The following GNAO1 variants were observed in gnomAD, a reference collection of about 807,000 sequenced individuals.
The protein encoded by GNAO1 is guanine nucleotide-binding protein G(o) subunit alpha.
For synonymous variants in GNAO1, 164 were observed against 180.7 expected, an observed-to-expected ratio of 0.91 and a Z score of 0.74; for missense variants, 166 against 478.7, an observed-to-expected ratio of 0.35 and a Z score of 6.10.
chr16:56,344,470 A>G (rs2037842505), intron 6 of GNAO1: 2 of 991,740 alleles, frequency 2.0e-6, no homozygotes, highest in East Asian at 1.1e-4. Flanking sequence ...TGGAGGACTC[A>G]GGCCTTGGCG....
chr16:56,209,906 A>G (rs1039942304), intron 2 of GNAO1, among the ~76,000 whole-genome samples: 2 of 151,900 alleles, frequency 1.3e-5, no homozygotes, highest in East Asian at 1.9e-4. Flanking sequence ...ATAATCACCC[A>G]AAGTTCATGG....
chr16:56,209,891 G>A (rs912770807), intron 2 of GNAO1, among the ~76,000 whole-genome samples: 17 of 151,806 alleles, frequency 1.1e-4, no homozygotes, highest in Non-Finnish European at 2.1e-4. Flanking sequence ...CTATACTGGC[G>A]CATTATAATC....
At chr16:56,213,211 G>A in intron 2 of GNAO1, 1 of 398,274 alleles carries the variant, frequency 2.5e-6, no homozygotes, top group East Asian at 3.6e-5. Context: ...AAATTATTTG[G>A]TTAAAATGCT....
intron 2 of GNAO1, among the ~76,000 whole-genome samples, chr16:56,230,738 C>T (rs114498252): frequency 0.012 from 1,824 of 152,212 alleles, 35 homozygotes; most frequent in African/African-American, 0.041. Flanking sequence ...CATTGACTCG[C>T]GATAAGGTTT....
chr16:56,343,749 T>G (rs747138450), intron 6 of GNAO1: 6 of 1,606,926 alleles, frequency 3.7e-6, no homozygotes, highest in Admixed American at 1.7e-5. Flanking sequence ...ACACCTTGCC[T>G]GTTTGCTCTG....
chr16:56,296,753 T>C (rs1567473352), intron 3 of GNAO1, among the ~76,000 whole-genome samples: 1 of 152,180 alleles, frequency 6.6e-6, no homozygotes, highest in Non-Finnish European at 1.5e-5. Flanking sequence ...CTTGCTTTTT[T>C]AGATACTTCT....
At position 56,347,612 on chromosome 16, in the gene GNAO1, C is replaced by G. The variant is rs1395408488; in HGVS notation, c.724-3772C>G. 4.1e-6 allele frequency: 4 copies of G among 974,230 alleles called. No homozygotes were observed. The African/African-American group carries it at 5.9e-5, about 14-fold the overall frequency. The allele number at this position is 974,230 out of a possible 1,614,324, so 60.3% of individuals were successfully genotyped here. ...CCCAGTCCAAACTCCTGGATCCCCT[C>G]CATGAGAGAGGGGCTCCCCCTGGAA... On this transcript the variant is annotated intron_variant, in intron 6 of 8. Transcript: ENST00000262493.
At chr16:56,194,251 T>G (rs1347951218) in intron 2 of GNAO1, 3 of 456,472 alleles carry the variant, frequency 6.6e-6, no homozygotes, top group South Asian at 4.6e-5. Flanking sequence ...CTCTTGAGCT[T>G]GTGCAACCCA....
chr16:56,323,941 A>G (rs1188977267), intron 3 of GNAO1, among the ~76,000 whole-genome samples: 1 of 151,866 alleles, frequency 6.6e-6, no homozygotes, highest in Non-Finnish European at 1.5e-5. Context: ...CATGGGAAGG[A>G]CTCAGTGAAA....
intron 2 of GNAO1, among the ~76,000 whole-genome samples, chr16:56,238,905 A>T (rs894670791): frequency 5.9e-5 from 9 of 152,264 alleles, no homozygotes; most frequent in Non-Finnish European, 1.2e-4. Flanking sequence ...TTTTAAACAA[A>T]AGCTAGTATC....
chr16:56,336,815 C>T lies in GNAO1; in HGVS notation c.678C>T (p.Val226=), dbSNP rs760476691. The part of the protein sequence containing the change: ...FEDVTAIIFC[V]ALSGYDQVLH... Reference sequence around the variant, plus strand: ...ACGTCACGGCCATCATTTTCTGTGTCGCGCTCAGCGGCTATGACCAGGTGC... The same window carrying T: ...ACGTCACGGCCATCATTTTCTGTGTTGCGCTCAGCGGCTATGACCAGGTGC... Residue 226 remains valine, a synonymous_variant, in exon 6 of 9, where the codon GTC becomes GTT. Transcript: ENST00000262493. 3.8e-5 allele frequency: 61 copies of T among 1,613,426 alleles called. No homozygotes were observed. Among genetic ancestry groups the T allele is most frequent in the Non-Finnish European group, 4.9e-5 (58 of 1,179,952 alleles).
intron 6 of GNAO1, chr16:56,344,589 G>C (rs1402904900): frequency 1.1e-4 from 113 of 985,934 alleles, no homozygotes; most frequent in Non-Finnish European, 1.3e-4. Context: ...ACTCCTCCGA[G>C]TTCTGGAAAT....
At chr16:56,251,462 CTCAAGGG>C (rs1401360169) in intron 2 of GNAO1, among the ~76,000 whole-genome samples, 317 of 152,314 alleles carry the variant, frequency 2.1e-3, no homozygotes, top group African/African-American at 7.4e-3. Context: ...CATCATTAAG[CTCAAGGG>C]CATGTTTTAA....
At chr16:56,346,036 G>A in intron 6 of GNAO1, 1 of 985,356 alleles carries the variant, frequency 1.0e-6, no homozygotes, top group South Asian at 4.7e-5. Context: ...TGGGGCTGGA[G>A]GAGTGGGTGC....
intron 2 of GNAO1, among the ~76,000 whole-genome samples, chr16:56,268,843 G>A (rs1043499353): frequency 6.6e-6 from 1 of 152,134 alleles, no homozygotes; most frequent in African/African-American, 2.4e-5. Context: ...TCCTGGTCTC[G>A]TAGGTTCTGT....
intron 3 of GNAO1, among the ~76,000 whole-genome samples, chr16:56,327,404 G>T (rs1160263887): frequency 6.6e-6 from 1 of 152,152 alleles, no homozygotes; most frequent in Non-Finnish European, 1.5e-5. Context: ...AGGAGCTGAA[G>T]AGGCGCAGGG....
rs151258044 is a variant in GNAO1 at position 56,257,263 on chromosome 16, C to T, written c.162-18668C>T. Among the ~76,000 whole-genome samples the T allele has an allele frequency of 6.7e-3, 1,015 of 152,290 alleles. 13 individuals are homozygous for T. Among genetic ancestry groups the T allele is most frequent in the African/African-American group, 0.019 (796 of 41,558 alleles). On this transcript the variant is annotated intron_variant, in intron 2 of 8. Transcript: ENST00000262493. ...TAAGTGGAGATGTTGAGTCGGCAAT[C>T]CATGGTCTTAGCCCTGGGGCACTCC...
At chr16:56,317,363 A>G (rs2037522438) in intron 3 of GNAO1, among the ~76,000 whole-genome samples, 1 of 152,206 alleles carries the variant, frequency 6.6e-6, no homozygotes, top group African/African-American at 2.4e-5. Flanking sequence ...CAAGGCACCA[A>G]CTACTGAGCT....
chr16:56,307,264 G>A (rs1404071225), intron 3 of GNAO1: 1 of 152,136 alleles, frequency 6.6e-6, no homozygotes. Flanking sequence ...CCAGAATCCC[G>A]GGAGGGGCAG....
Sources: gnomAD v4.1 joint callset for allele counts (sites outside exome capture counted in the v4.1 genomes callset) on GRCh38, gnomAD v4.1.1 for gene constraint, MANE v1.5 for transcripts, NCBI Gene and HGNC (gene_info 2026-07-23, HGNC 2026-07-21) for gene names.